ADGB: variants seen among roughly 807,000 people sequenced by gnomAD.
ADGB encodes calpain-7-like protein.
In ADGB, 172 loss-of-function variants were observed where a neutral mutation model predicts 210.5. The observed-to-expected ratio is 0.82, with a 90% confidence interval of 0.72 to 0.93. The LOEUF (loss-of-function observed/expected upper bound fraction) is 0.93, where lower values mean the gene tolerates loss of function less well. Ranked by LOEUF, ADGB falls within the 40% of genes least tolerant of loss-of-function variation. The pLI, the probability that ADGB is intolerant of heterozygous loss-of-function variation, is 0.00. For missense variants in ADGB, 2,025 were observed against 1,964.8 expected (o/e 1.03, Z -0.58); for synonymous variants, 658 against 662.7 (o/e 0.99, Z 0.11).
chr6:146,771,211 G>A (rs1252536412), intron 29 of ADGB, among the ~76,000 whole-genome samples: 2 of 152,024 alleles, frequency 1.3e-5, no homozygotes, highest in Non-Finnish European at 2.9e-5. Flanking sequence ...CCCGGATGCT[G>A]TGTTTCCGGC....
intron 33 of ADGB, among the ~76,000 whole-genome samples, chr6:146,797,268 C>T (rs9497635): frequency 0.062 from 9,430 of 152,098 alleles, 1,020 homozygotes; most frequent in African/African-American, 0.22. Flanking sequence ...ACTAGTACAA[C>T]CACCATGGAA....
chr6:146,743,967 G>A (rs988065597), intron 25 of ADGB, among the ~76,000 whole-genome samples: 9 of 152,142 alleles, frequency 5.9e-5, no homozygotes, highest in Admixed American at 2.6e-4. Flanking sequence ...GTCAAGCTGT[G>A]TGAATAGAAA....
intron 27 of ADGB, among the ~76,000 whole-genome samples, chr6:146,755,846 T>C (rs1777398870): frequency 6.6e-6 from 1 of 152,106 alleles, no homozygotes. Flanking sequence ...TTTTCCCCAA[T>C]AGTGTTTATT....
chr6:146,676,463 A>G (rs956064929), intron 9 of ADGB, 22 bp downstream of exon 9: 2 of 1,333,612 alleles, frequency 1.5e-6, no homozygotes, highest in African/African-American at 3.0e-5. Context: ...ATTTCTTAGA[A>G]TAATAACTAT....
In ADGB at chr6:146,802,707, TC is replaced by T. The variant is rs1778151800; in HGVS notation, c.4818+697del. 7 of 1,230,748 alleles carry T rather than the reference TC, an allele frequency of 5.7e-6. No homozygotes were observed. The South Asian group carries it at 8.6e-5, about 15-fold the overall frequency. The allele number at this position is 1,230,748 out of a possible 1,614,324, so 76.2% of individuals were successfully genotyped here. A position where few individuals can be genotyped will look rare whatever the true frequency, so the allele number is the denominator to read the frequency against. On this transcript the variant is annotated intron_variant, in intron 35 of 35. Coordinates refer to ENST00000397944, the MANE Select transcript of ADGB (RefSeq NM_024694.4). ...AAATAGTTTTGATTTCTTCCACAGT[TC>T]ACAGTTCTCAGACGAGACTTTTTTT...
chr6:146,715,716 G>A (rs1776722606), intron 14 of ADGB, among the ~76,000 whole-genome samples: 1 of 152,094 alleles, frequency 6.6e-6, no homozygotes, highest in Non-Finnish European at 1.5e-5. Flanking sequence ...CTAAATAAAA[G>A]ACTTGGCCAA....
chr6:146,696,586 G>A (rs1214217795), intron 12 of ADGB, among the ~76,000 whole-genome samples: 1 of 152,124 alleles, frequency 6.6e-6, no homozygotes, highest in East Asian at 1.9e-4. Flanking sequence ...TGAAAACTCT[G>A]ACTGTAAAAA....
At chr6:146,612,270 A>G (rs1449382917) in intron 1 of ADGB, among the ~76,000 whole-genome samples, 2 of 152,080 alleles carry the variant, frequency 1.3e-5, no homozygotes, top group African/African-American at 4.8e-5. Context: ...AGATTACTAA[A>G]TTAACATCTC....
rs1339300028 is a variant in ADGB at position 146,741,287 on chromosome 6, A to C, written c.3177+16A>C. Reference sequence around the variant, plus strand: ...CAAGAATAAGGTAGGTATAAAATTTATTCTCCACATATGATAGAATGGCAG... The same window carrying C: ...CAAGAATAAGGTAGGTATAAAATTTCTTCTCCACATATGATAGAATGGCAG... On this transcript the variant is annotated intron_variant, in intron 25 of 35. Coordinates refer to ENST00000397944, the MANE Select transcript of ADGB (RefSeq NM_024694.4). The C allele has an allele frequency of 1.9e-6, 3 of 1,549,866 alleles. No homozygotes were observed. The highest frequency in any genetic ancestry group is 2.6e-6 in the Non-Finnish European group (3 of 1,145,924).
chr6:146,657,122 C>T (rs1191335779), intron 5 of ADGB, 142 bp downstream of exon 5: 8 of 717,496 alleles, frequency 1.1e-5, no homozygotes, highest in South Asian at 6.2e-5. Context: ...ATCAGGAGTT[C>T]GCAACCAGCC....
intron 5 of ADGB, among the ~76,000 whole-genome samples, chr6:146,657,746 C>G (rs994024466): frequency 1.3e-5 from 2 of 152,208 alleles, no homozygotes; most frequent in Non-Finnish European, 2.9e-5. Context: ...TTTGCTGTAG[C>G]TGAGGGGCCT....
intron 27 of ADGB, among the ~76,000 whole-genome samples, chr6:146,762,149 A>G (rs367775257): frequency 6.6e-6 from 1 of 150,518 alleles, no homozygotes; most frequent in Non-Finnish European, 1.5e-5. Flanking sequence ...GGGTGGACAT[A>G]TTTTTTTGGG....
chr6:146,647,825 A>C (rs955766679), intron 3 of ADGB, among the ~76,000 whole-genome samples: 1 of 152,082 alleles, frequency 6.6e-6, no homozygotes, highest in African/African-American at 2.4e-5. Context: ...AAGTTTTTAA[A>C]AGAAACAAAT....
At chr6:146,782,332 C>G (rs1777813732) in intron 30 of ADGB, 140 bp downstream of exon 30, 1 of 862,870 alleles carries the variant, frequency 1.2e-6, no homozygotes, top group African/African-American at 1.7e-5. Context: ...ACTTTGAGGA[C>G]ATTCCTTGGA....
chr6:146,760,709 T>C (rs1777476408), intron 27 of ADGB, among the ~76,000 whole-genome samples: 1 of 151,966 alleles, frequency 6.6e-6, no homozygotes, highest in South Asian at 2.1e-4. Flanking sequence ...TTGTATCATT[T>C]TACATTCCCG....
At chr6:146,743,797 C>A (rs113380274) in intron 25 of ADGB, among the ~76,000 whole-genome samples, 9,893 of 152,154 alleles carry the variant, frequency 0.065, 1,074 homozygotes, top group African/African-American at 0.22. Flanking sequence ...GCCTGTAGTC[C>A]CAGCTACTAG....
chr6:146,677,830 C>G (rs527661377), intron 9 of ADGB, among the ~76,000 whole-genome samples: 2 of 152,294 alleles, frequency 1.3e-5, no homozygotes, highest in East Asian at 3.9e-4. Context: ...AACTCAGGAT[C>G]TCTATAAATC....
chr6:146,630,602 A>G (rs1199315209), intron 1 of ADGB, among the ~76,000 whole-genome samples: 1 of 152,106 alleles, frequency 6.6e-6, no homozygotes, highest in Non-Finnish European at 1.5e-5. Flanking sequence ...TCCAGAAGTG[A>G]AGAGAAAAAT....
chr6:146,703,865 T>C (rs1776529607), intron 13 of ADGB, among the ~76,000 whole-genome samples: 1 of 121,948 alleles, frequency 8.2e-6, no homozygotes, highest in African/African-American at 3.0e-5. Context: ...GCCCTATTTT[T>C]AGTTTTTTTT....
Sources: gnomAD v4.1 joint callset for allele counts (sites outside exome capture counted in the v4.1 genomes callset) on GRCh38, gnomAD v4.1.1 for gene constraint, MANE v1.5 for transcripts, NCBI Gene and HGNC (gene_info 2026-07-23, HGNC 2026-07-21) for gene names.